The following NMU variants were observed in gnomAD, a reference collection of about 807,000 sequenced individuals.
NMU encodes neuromedin-U.
A neutral mutation model predicts 35.4 loss-of-function variants in NMU; 29 were observed. The observed-to-expected ratio is 0.82, with a 90% CI of 0.61 to 1.12. NMU has a LOEUF of 1.12. NMU is among the 50% of genes most tolerant of loss of function. NMU has a pLI of 0.00. For missense variants in NMU, 199 were observed against 206.2 expected (o/e 0.97, Z 0.21); for synonymous variants, 78 against 81.3 (o/e 0.96, Z 0.22).
intron 6 of NMU, among the ~76,000 whole-genome samples, chr4:55,606,004 T>G (rs936533881): frequency 6.6e-6 from 1 of 152,238 alleles, no homozygotes; most frequent in Non-Finnish European, 1.5e-5. Context: ...ATGGGTCACA[T>G]TGAGACTTCT....
At chr4:55,599,612 T>G (rs1219727361) in intron 8 of NMU, among the ~76,000 whole-genome samples, 1 of 152,176 alleles carries the variant, frequency 6.6e-6, no homozygotes, top group East Asian at 1.9e-4. Context: ...TTAGAATTAT[T>G]TTCCAAAAGG....
Position 55,609,122 on chromosome 4 carries a change from G to T in NMU, c.277C>A (p.Gln93Lys). The change falls in exon 4 of 10, where the codon CAG becomes AAG. Residue 93 changes from glutamine to lysine, a missense_variant and splice_region_variant. Physicochemically the swap from Gln to Lys is moderately conservative, Grantham distance 53. Transcript: ENST00000264218. Reference sequence around the variant, plus strand: ...ACAAAACACTATTTCAAGCTTACCTGAGGCTTTGGTAGCATTCCCATAATC... The same window carrying T: ...ACAAAACACTATTTCAAGCTTACCTTAGGCTTTGGTAGCATTCCCATAATC... ...FMIMGMLPKP[Q>K]EQDEKDNTKR... 6.2e-7 allele frequency: 1 copy of T among 1,612,792 alleles called. No individual in the cohort carries two copies. The highest frequency in any genetic ancestry group is 8.5e-7 in the Non-Finnish European group (1 of 1,178,826).
intron 7 of NMU, among the ~76,000 whole-genome samples, chr4:55,601,198 T>G (rs1054100603): frequency 3.9e-5 from 6 of 152,090 alleles, no homozygotes; most frequent in African/African-American, 1.4e-4. Context: ...TTCTTAAACA[T>G]TTCATTTTAA....
At position 55,607,308 on chromosome 4, in the gene NMU, G is replaced by T; in HGVS notation, c.350C>A (p.Ser117Ter). 2 of 1,606,484 alleles carry T rather than the reference G, an allele frequency of 1.2e-6. No homozygotes were observed. The highest frequency in any genetic ancestry group is 2.2e-5 in the South Asian group (2 of 90,816). Residue 117 changes from serine to a stop codon, truncating the protein, a stop_gained, in exon 6 of 10, where the codon TCA (serine) becomes TAA (stop). Coordinates refer to ENST00000264218, the MANE Select transcript of NMU (RefSeq NM_006681.4). LOFTEE classifies it high-confidence loss of function. ...HYSKTQKLGK[S>*]NVVSSVVHPL... Reference sequence around the variant, plus strand: ...AGTTCTACAACTTACCACAACATTTGACTTGCCCAACTTCTGTGTCTTCGA... The same window carrying T: ...AGTTCTACAACTTACCACAACATTTTACTTGCCCAACTTCTGTGTCTTCGA...
At chr4:55,634,215 T>C (rs956146991) in intron 1 of NMU, among the ~76,000 whole-genome samples, 2 of 152,160 alleles carry the variant, frequency 1.3e-5, no homozygotes, top group African/African-American at 4.8e-5. Context: ...GGTGCCATCT[T>C]TAGGGATTCA....
At chr4:55,599,311 A>C (rs1733331342) in intron 8 of NMU, 130 bp from the exon 9 acceptor site, 2 of 730,030 alleles carry the variant, frequency 2.7e-6, no homozygotes, top group Non-Finnish European at 4.9e-6. Context: ...TTTACAACAT[A>C]GACTGCTGGA....
At chr4:55,601,463 T>C (rs1733419903) in intron 7 of NMU, among the ~76,000 whole-genome samples, 1 of 152,098 alleles carries the variant, frequency 6.6e-6, no homozygotes, top group African/African-American at 2.4e-5. Context: ...TCTTAAATCC[T>C]CAATATTTCT....
At position 55,603,937 on chromosome 4, in the gene NMU, A is replaced by ATG. The variant is rs1206075926; in HGVS notation, c.435+1337_435+1338insCA. 2.9e-4 allele frequency among the ~76,000 whole-genome samples: 34 copies of ATG among 118,256 alleles called. 3 individuals carry two copies. The highest frequency in any genetic ancestry group is 1.0e-3 in the African/African-American group (33 of 32,658). The allele number at this position is 118,256 out of a possible 152,430, so 77.6% of individuals were successfully genotyped here. A position where few individuals can be genotyped will look rare whatever the true frequency, so the allele number is the denominator to read the frequency against. On this transcript the variant is annotated intron_variant, in intron 7 of 9. Coordinates refer to ENST00000264218, the MANE Select transcript of NMU (RefSeq NM_006681.4). The stretch of plus-strand genomic sequence containing the variant: ...AAAAAAAAAAAAAAAATATATATAT[A>ATG]TATATATATGTATATATGTGTATAT...
chr4:55,636,348 G>A (rs1715933796), upstream of NMU: 1 of 1,147,776 alleles, frequency 8.7e-7, no homozygotes, highest in African/African-American at 1.6e-5. The surrounding 1 kb of genome is among the most constrained non-coding windows in gnomAD (Gnocchi z 4.0). Context: ...AAGTGGGCTG[G>A]GCTGCGCGGT....
chr4:55,609,174 G>T lies in NMU; in HGVS notation c.225C>A (p.Ser75=). ...TAAAGCAAAGCTCCTCCAGTGCGTT[G>T]GATGCCTAACAGAAATGAGAAGATA... ...FLSIDSQPQA[S]NALEELCFMI... Residue 75 remains serine (S), a synonymous_variant, in exon 4 of 10, where the codon TCC becomes TCA. Coordinates refer to ENST00000264218, the MANE Select transcript of NMU (RefSeq NM_006681.4). 1 of 1,609,726 alleles carries T rather than the reference G, an allele frequency of 6.2e-7. No homozygotes were observed. Among genetic ancestry groups the T allele is most frequent in the Non-Finnish European group, 8.5e-7 (1 of 1,176,074 alleles).
At chr4:55,626,863 T>C (rs1287415633) in intron 2 of NMU, among the ~76,000 whole-genome samples, 2 of 152,270 alleles carry the variant, frequency 1.3e-5, no homozygotes, top group Admixed American at 1.3e-4. Context: ...ACGATTTATA[T>C]TTGAAGTTTC....
intron 3 of NMU, among the ~76,000 whole-genome samples, chr4:55,613,414 T>C (rs1430748231): frequency 1.3e-5 from 2 of 152,186 alleles, no homozygotes; most frequent in Non-Finnish European, 1.5e-5. Context: ...ATATGATGAC[T>C]TAGTATTTTA....
rs1301396406 is a variant in NMU at position 55,618,685 on chromosome 4, TC to T, written c.172-2301del. Among the ~76,000 whole-genome samples the T allele has an allele frequency of 2.7e-4, 31 of 113,550 alleles. 1 individual carries two copies. The highest frequency in any genetic ancestry group is 1.0e-3 in the African/African-American group (28 of 27,516). The allele number at this position is 113,550 out of a possible 152,430, so 74.5% of individuals were successfully genotyped here. A position where few individuals can be genotyped will look rare whatever the true frequency, so the allele number is the denominator to read the frequency against. ...TTCTTCTCTCTCTTCCTTTCTTCTCTCTTTCTTCTCTCTCTTCTTTCTTTTT... is the reference window on the plus strand; with the variant it reads ...TTCTTCTCTCTCTTCCTTTCTTCTCTTTTCTTCTCTCTCTTCTTTCTTTTT... On this transcript the variant is annotated intron_variant, in intron 2 of 9. Coordinates refer to ENST00000264218, the MANE Select transcript of NMU (RefSeq NM_006681.4).
At chr4:55,625,802 C>T (rs1734502986) in intron 2 of NMU, among the ~76,000 whole-genome samples, 1 of 150,086 alleles carries the variant, frequency 6.7e-6, no homozygotes, top group South Asian at 2.1e-4. Context: ...TTAACACTGT[C>T]CATTGAGACC....
At chr4:55,613,935 TC>T (rs1008942432) in intron 3 of NMU, among the ~76,000 whole-genome samples, 5 of 152,066 alleles carry the variant, frequency 3.3e-5, no homozygotes, top group Non-Finnish European at 7.4e-5. Flanking sequence ...AATGATATAT[TC>T]CCAAAACATT....
chr4:55,608,416 T>C (rs1240145197), intron 4 of NMU, among the ~76,000 whole-genome samples: 1 of 152,150 alleles, frequency 6.6e-6, no homozygotes. Context: ...AAATTATGAA[T>C]GTTTTTTTCT....
intron 9 of NMU, among the ~76,000 whole-genome samples, chr4:55,596,516 T>C (rs1733187476): frequency 6.6e-6 from 1 of 152,012 alleles, no homozygotes; most frequent in African/African-American, 2.4e-5. Flanking sequence ...CCAATGTACA[T>C]TTATAATATT....
At chr4:55,629,063 A>T (rs949694567) in intron 2 of NMU, among the ~76,000 whole-genome samples, 1 of 152,156 alleles carries the variant, frequency 6.6e-6, no homozygotes, top group Non-Finnish European at 1.5e-5. Context: ...AAAATACTAT[A>T]TATATCCAAA....
intron 3 of NMU, among the ~76,000 whole-genome samples, chr4:55,611,416 G>C (rs544361029): frequency 1.3e-5 from 2 of 152,102 alleles, no homozygotes; most frequent in South Asian, 4.2e-4. Flanking sequence ...AGTAAGCTAA[G>C]GTTAATTTAT....
Sources: gnomAD v4.1 joint callset for allele counts (sites outside exome capture counted in the v4.1 genomes callset) on GRCh38, gnomAD v4.1.1 for gene constraint, Gnocchi (gnomAD v3.1) non-coding constraint, MANE v1.5 for transcripts, NCBI Gene and HGNC (gene_info 2026-07-23, HGNC 2026-07-21) for gene names.